Variants in WIPF1 observed in about 807,000 individuals in gnomAD.
WIPF1 encodes WAS/WASL-interacting protein family member 1.
In WIPF1, 13 loss-of-function variants were observed where a neutral mutation model predicts 35.4. The ratio of observed to expected loss-of-function variants is 0.37; its 90% CI spans 0.24 to 0.58. The LOEUF is 0.58. Ranked by LOEUF, WIPF1 falls within the 20% of genes least tolerant of loss-of-function variation. The pLI is 0.74. For synonymous variants in WIPF1, 267 were observed against 266.3 expected, an observed-to-expected ratio of 1.00 and a Z score of -0.02; for missense variants, 591 against 667.0, an observed-to-expected ratio of 0.89 and a Z score of 1.25.
At chr2:174,585,720 G>C in intron 1 of WIPF1, 109 bp from the exon 2 acceptor site, 1 of 759,718 alleles carries the variant, frequency 1.3e-6, no homozygotes. Context: ...TCAACTCTTA[G>C]AAGAGATGGG....
At chr2:174,632,805 A>T (rs576386058) in intron 1 of WIPF1, among the ~76,000 whole-genome samples, 5 of 151,976 alleles carry the variant, frequency 3.3e-5, no homozygotes, top group Non-Finnish European at 5.9e-5. Flanking sequence ...TACTGTGAGC[A>T]GCAGATTTGC....
chr2:174,589,458 G>A (rs1481888223), intron 1 of WIPF1, among the ~76,000 whole-genome samples: 1 of 152,116 alleles, frequency 6.6e-6, no homozygotes, highest in Non-Finnish European at 1.5e-5. Flanking sequence ...CCAAGGCCCT[G>A]GGAGAGGAGG....
At chr2:174,591,849 C>G (rs954123317) in intron 1 of WIPF1, among the ~76,000 whole-genome samples, 4 of 152,196 alleles carry the variant, frequency 2.6e-5, no homozygotes, top group African/African-American at 9.7e-5. Context: ...CCCAGATCAA[C>G]TAGGGCATCT....
chr2:174,639,543 A>G (rs1488737280), intron 1 of WIPF1, among the ~76,000 whole-genome samples: 2 of 152,042 alleles, frequency 1.3e-5, no homozygotes, highest in Non-Finnish European at 2.9e-5. Flanking sequence ...TTTTAAATCA[A>G]GTTATTTGTT....
intron 3 of WIPF1, among the ~76,000 whole-genome samples, chr2:174,576,757 T>C (rs1685077466): frequency 6.6e-6 from 1 of 152,212 alleles, no homozygotes; most frequent in Non-Finnish European, 1.5e-5. Context: ...CTGATACTAA[T>C]GCAATGGTAT....
chr2:174,586,407 TAAAAA>T (rs1234907270), intron 1 of WIPF1, among the ~76,000 whole-genome samples: 1 of 151,920 alleles, frequency 6.6e-6, no homozygotes, highest in Non-Finnish European at 1.5e-5. Context: ...ATAAATAAAA[TAAAAA>T]AGAAGAGCCT....
intron 7 of WIPF1, among the ~76,000 whole-genome samples, chr2:174,564,812 G>A (rs1684594407): frequency 1.9e-5 from 2 of 102,662 alleles, no homozygotes; most frequent in Admixed American, 2.2e-4. Flanking sequence ...CCCTTCTTCT[G>A]GTGCACACAC....
intron 4 of WIPF1, among the ~76,000 whole-genome samples, chr2:174,572,990 A>C (rs1684924495): frequency 6.6e-6 from 1 of 152,238 alleles, no homozygotes; most frequent in African/African-American, 2.4e-5. Flanking sequence ...AATTATAAGA[A>C]AAGAGTTATG....
At chr2:174,603,489 A>G (rs1686067512) in intron 1 of WIPF1, among the ~76,000 whole-genome samples, 1 of 152,204 alleles carries the variant, frequency 6.6e-6, no homozygotes, top group South Asian at 2.1e-4. Context: ...CAAAATAGCT[A>G]GTTATGCTGC....
At chr2:174,576,230 C>CAAAAAAAAAAAAAAAAAAA (rs66562213) in intron 3 of WIPF1, among the ~76,000 whole-genome samples, 5 of 98,930 alleles carry the variant, frequency 5.1e-5, no homozygotes, top group African/African-American at 2.2e-4. Flanking sequence ...TGCACTCCAG[C>CAAAAAAAAAAAAAAAAAAA]AAAAAAAAAA....
In WIPF1 at chr2:174,591,943, A is replaced by G. The variant is rs541174025; in HGVS notation, c.-39+5658T>C. 2.0e-5 allele frequency among the ~76,000 whole-genome samples: 3 copies of G among 152,294 alleles called. No homozygotes were observed. In the South Asian group the frequency reaches 6.2e-4, roughly 32 times the overall value. ...AAAGAGAACTGCTCAGCCCACTCCC[A>G]ACAGTACAGGGGACACATTCTCCTC... On this transcript the variant is annotated intron_variant, in intron 1 of 7. Transcript: ENST00000679041.
intron 1 of WIPF1, among the ~76,000 whole-genome samples, chr2:174,643,303 T>C (rs1687337320): frequency 1.3e-5 from 2 of 149,772 alleles, no homozygotes; most frequent in South Asian, 4.1e-4. Context: ...TCTGTTCCTA[T>C]TTATTTTTGT....
At chr2:174,564,836 C>G (rs1452335150) in intron 7 of WIPF1, among the ~76,000 whole-genome samples, 1 of 151,482 alleles carries the variant, frequency 6.6e-6, no homozygotes, top group Non-Finnish European at 1.5e-5. Context: ...CACACACACA[C>G]ACACACACAC....
rs1686703894 is a variant in WIPF1, at chr2:174,622,414, C to A, written c.-38-36803G>T. Among the ~76,000 whole-genome samples the A allele has an allele frequency of 6.6e-6, 1 of 152,174 alleles. No homozygotes were observed. Among genetic ancestry groups the A allele is most frequent in the South Asian group, 2.1e-4 (1 of 4,828 alleles). On this transcript the variant is annotated intron_variant, in intron 1 of 8. Coordinates refer to the WIPF1 transcript ENST00000272746. The surrounding 1 kb of genome is among the most constrained non-coding windows in gnomAD (Gnocchi z 5.1). The stretch of plus-strand genomic sequence containing the variant: ...ATGTTGTTGTACATTTTTTCTACTA[C>A]ACATTAAAACAAATACATATTTAAA...
rs377218478 is a variant in WIPF1, at chr2:174,585,596, A to G, written c.-23T>C. On this transcript the variant is annotated 5_prime_UTR_variant, in exon 2 of 8. Coordinates refer to ENST00000679041, the MANE Select transcript of WIPF1 (RefSeq NM_001375834.1). ...CATCTTGGGCAGTTATGCGTTCAAC[A>G]GTCTTGCTGATAAATCTGGAAAAAC... The G allele has an allele frequency of 6.2e-7, 1 of 1,611,086 alleles. No individual in the cohort carries two copies. Among genetic ancestry groups the G allele is most frequent in the African/African-American group, 1.3e-5 (1 of 74,826 alleles).
intron 1 of WIPF1, among the ~76,000 whole-genome samples, chr2:174,647,410 G>A (rs1322263445): frequency 6.6e-6 from 1 of 150,764 alleles, no homozygotes; most frequent in Non-Finnish European, 1.5e-5. Context: ...GTCTTGCTCT[G>A]TCACCTAGGC....
At chr2:174,621,023 C>T (rs192498633) in intron 1 of WIPF1, among the ~76,000 whole-genome samples, 1 of 152,182 alleles carries the variant, frequency 6.6e-6, no homozygotes, top group East Asian at 1.9e-4. Flanking sequence ...TTGGACTTCG[C>T]CTGGAGGTGT....
intron 4 of WIPF1, among the ~76,000 whole-genome samples, chr2:174,574,202 T>C (rs1684973229): frequency 6.6e-6 from 1 of 152,214 alleles, no homozygotes; most frequent in Non-Finnish European, 1.5e-5. Context: ...CATTTTATTA[T>C]TTTATTTTTC....
chr2:174,610,209 C>A (rs1034287836), intron 1 of WIPF1, among the ~76,000 whole-genome samples: 1 of 152,194 alleles, frequency 6.6e-6, no homozygotes, highest in Non-Finnish European at 1.5e-5. Flanking sequence ...TCCTTTAACT[C>A]CAAATACGTA....
Sources: gnomAD v4.1 joint callset for allele counts (sites outside exome capture counted in the v4.1 genomes callset) on GRCh38, gnomAD v4.1.1 for gene constraint, Gnocchi (gnomAD v3.1) non-coding constraint, MANE v1.5 for transcripts, NCBI Gene and HGNC (gene_info 2026-07-23, HGNC 2026-07-21) for gene names.